PLEKHG1: variants seen among roughly 807,000 people sequenced by gnomAD.
The protein encoded by PLEKHG1 is pleckstrin homology domain-containing family G member 1.
In PLEKHG1, 44 loss-of-function variants were observed where a neutral mutation model predicts 100.8. The ratio of observed to expected loss-of-function variants is 0.44; its 90% CI spans 0.34 to 0.56. The LOEUF (loss-of-function observed/expected upper bound fraction) is 0.56. PLEKHG1 is among the 20% of genes least tolerant of loss of function. The probability of loss-of-function intolerance (pLI) is 0.01; values close to 1 mark genes in which losing one functional copy is unlikely to be tolerated. For missense variants in PLEKHG1, 1,545 were observed against 1,720.9 expected, an observed-to-expected ratio of 0.90 and a Z score of 1.81; for synonymous variants, 640 against 662.5, an observed-to-expected ratio of 0.97 and a Z score of 0.52.
chr6:150,703,170 C>G (rs374555240), intron 3 of PLEKHG1, among the ~76,000 whole-genome samples: 40 of 119,882 alleles, frequency 3.3e-4, no homozygotes, highest in African/African-American at 1.4e-3. Flanking sequence ...TCATGAAATC[C>G]CTTCCCACTT....
chr6:150,674,628 C>CCCCTCTCT, intron 3 of PLEKHG1, among the ~76,000 whole-genome samples: 1 of 51,896 alleles, frequency 1.9e-5, no homozygotes, highest in East Asian at 6.1e-4. Flanking sequence ...TTCTCTCTCT[C>CCCCTCTCT]CTCCCTCTCT....
chr6:150,608,565 C>T lies in PLEKHG1; in HGVS notation c.-204+8548C>T, dbSNP rs141532657. 2.0e-5 allele frequency among the ~76,000 whole-genome samples: 3 copies of T among 152,288 alleles called. No homozygotes were observed. In the East Asian group the frequency reaches 5.8e-4, roughly 29 times the overall value. ...ATTACTAATATATGCAGAAGATATG[C>T]TTGGCAAATGTTCAGAAACTATATG... On this transcript the variant is annotated intron_variant, in intron 1 of 3. Transcript: ENST00000367326.
intron 2 of PLEKHG1, 145 bp from the exon 4 acceptor site, chr6:150,768,493 A>G: frequency 1.6e-6 from 1 of 619,002 alleles, no homozygotes; most frequent in Non-Finnish European, 2.9e-6. Flanking sequence ...GCCAGTAATA[A>G]GAGAGCAACT....
chr6:150,621,482 C>T (rs560847630), intron 1 of PLEKHG1, among the ~76,000 whole-genome samples: 16 of 151,746 alleles, frequency 1.1e-4, no homozygotes, highest in African/African-American at 3.9e-4. Flanking sequence ...TCAGGCGGTT[C>T]TCCTGCCTCA....
At chr6:150,780,200 A>T (rs1785233350) in intron 3 of PLEKHG1, among the ~76,000 whole-genome samples, 1 of 144,894 alleles carries the variant, frequency 6.9e-6, no homozygotes, top group South Asian at 2.2e-4. Context: ...CAGTGGCATG[A>T]TCTCAGCTCA....
intron 13 of PLEKHG1, among the ~76,000 whole-genome samples, chr6:150,822,535 T>C (rs1776365431): frequency 6.6e-6 from 1 of 152,332 alleles, no homozygotes; most frequent in South Asian, 2.1e-4. Flanking sequence ...GCCCATGCAG[T>C]TGGAAATATA....
intron 3 of PLEKHG1, among the ~76,000 whole-genome samples, chr6:150,777,585 C>G (rs1331164604): frequency 6.6e-6 from 1 of 150,978 alleles, no homozygotes; most frequent in Non-Finnish European, 1.5e-5. Flanking sequence ...TGCGGTTGCA[C>G]ATCAGCCACA....
intron 3 of PLEKHG1, among the ~76,000 whole-genome samples, chr6:150,655,153 GA>G (rs1778914481): frequency 6.6e-6 from 1 of 152,176 alleles, no homozygotes; most frequent in African/African-American, 2.4e-5. Context: ...AAGTCTCCTA[GA>G]GAAATAGGAA....
intron 2 of PLEKHG1, among the ~76,000 whole-genome samples, chr6:150,764,043 C>T (rs1324158677): frequency 2.0e-5 from 3 of 152,136 alleles, no homozygotes; most frequent in African/African-American, 7.2e-5. Flanking sequence ...TTGGTCTGCA[C>T]ATACCTGTCT....
intron 14 of PLEKHG1, among the ~76,000 whole-genome samples, chr6:150,827,380 C>T (rs1250499441): frequency 3.3e-5 from 5 of 151,568 alleles, no homozygotes; most frequent in African/African-American, 7.3e-5. Context: ...CGGGTTCAAG[C>T]GGTTCTCCTG....
rs189577239 is a variant in PLEKHG1 at position 150,610,744 on chromosome 6, T to C, written c.-204+10727T>C. ...AGAAATTGTTTTTGTTTGAATGATT[T>C]TCTGTAATGGGAGTCAAGTAACTCC... On this transcript the variant is annotated intron_variant, in intron 1 of 3. Transcript: ENST00000367326. 1.1e-4 allele frequency among the ~76,000 whole-genome samples: 17 copies of C among 152,322 alleles called. No individual in the cohort carries two copies. In the East Asian group the frequency reaches 3.1e-3, roughly 28 times the overall value.
intron 2 of PLEKHG1, among the ~76,000 whole-genome samples, chr6:150,739,078 C>T (rs1410146054): frequency 6.6e-6 from 1 of 152,076 alleles, no homozygotes; most frequent in East Asian, 1.9e-4. Context: ...TTTTGAGAAC[C>T]TCATAAGATT....
intron 4 of PLEKHG1, among the ~76,000 whole-genome samples, chr6:150,788,862 CACACACACACGCAT>C (rs919643363): frequency 6.6e-6 from 1 of 151,892 alleles, no homozygotes; most frequent in Non-Finnish European, 1.5e-5. Flanking sequence ...AGTGTGTGTG[CACACACACACGCAT>C]ACACACACAC....
chr6:150,830,667 T>C (rs758072492), exon 15 of PLEKHG1: 13 of 1,614,116 alleles, frequency 8.1e-6, no homozygotes, highest in Middle Eastern at 1.6e-4. Flanking sequence ...AGTTCTACCA[T>C]GATCAGCGTG....
chr6:150,606,930 G>A (rs1370069591), intron 1 of PLEKHG1, among the ~76,000 whole-genome samples: 1 of 151,990 alleles, frequency 6.6e-6, no homozygotes, highest in Non-Finnish European at 1.5e-5. Flanking sequence ...CCAGAGCAAA[G>A]CCCCTTCCTG....
chr6:150,607,736 G>T (rs2128551701), intron 1 of PLEKHG1, among the ~76,000 whole-genome samples: 1 of 152,322 alleles, frequency 6.6e-6, no homozygotes, highest in Non-Finnish European at 1.5e-5. Flanking sequence ...TTCCCAACAT[G>T]TGTGAGAGTT....
At chr6:150,715,836 C>T (rs1340055325) in intron 3 of PLEKHG1, among the ~76,000 whole-genome samples, 1 of 147,810 alleles carries the variant, frequency 6.8e-6, no homozygotes, top group Non-Finnish European at 1.5e-5. Flanking sequence ...CGGCCGGGCG[C>T]GGTGGCTCAC....
intron 1 of PLEKHG1, chr6:150,633,018 A>G (rs1402409723): frequency 2.0e-5 from 3 of 152,234 alleles, no homozygotes; most frequent in Non-Finnish European, 4.4e-5. Flanking sequence ...TGCTTTCTTA[A>G]AAGCCCCATT....
At chr6:150,651,553 A>G (rs1482918871) in intron 3 of PLEKHG1, among the ~76,000 whole-genome samples, 1 of 152,168 alleles carries the variant, frequency 6.6e-6, no homozygotes, top group Non-Finnish European at 1.5e-5. Context: ...TTTTTAAAAC[A>G]GAAAAAACTA....
Sources: allele counts gnomAD v4.1 joint callset (sites outside exome capture counted in the v4.1 genomes callset), GRCh38; gene constraint gnomAD v4.1.1; transcripts MANE v1.5; gene names NCBI Gene and HGNC (gene_info 2026-07-23, HGNC 2026-07-21).